SEPTIN9: variants seen among roughly 807,000 people sequenced by gnomAD.
SEPTIN9 encodes septin 9, also known as septin-9.
SEPTIN9 carries 13 observed loss-of-function variants against 56.6 expected under a neutral mutation model. The observed-to-expected ratio is 0.23, with a 90% CI of 0.15 to 0.37. The LOEUF is 0.37. Among genes scored for constraint, SEPTIN9 ranks in the 10% least tolerant of loss-of-function variants. The probability of loss-of-function intolerance (pLI) is 1.00; values close to 1 mark genes in which losing one functional copy is unlikely to be tolerated. For missense variants in SEPTIN9, 650 were observed against 823.1 expected (o/e 0.79, Z 2.57); for synonymous variants, 332 against 334.1 (o/e 0.99, Z 0.07).
Position 77,319,485 on chromosome 17 carries a change from C to A in SEPTIN9, c.76+12288C>A. 1 of 951,096 alleles carries A rather than the reference C, an allele frequency of 1.1e-6. No homozygotes were observed. The highest frequency in any genetic ancestry group is 1.3e-6 in the Non-Finnish European group (1 of 783,712). The allele number at this position is 951,096 out of a possible 1,614,324, so 58.9% of individuals were successfully genotyped here. On this transcript the variant is annotated intron_variant, in intron 2 of 11. Transcript: ENST00000427177. The surrounding 1 kb of genome is among the most constrained non-coding windows in gnomAD (Gnocchi z 5.3). ...TCTTCCAGGAAGTCCCCGTCCCGTTCGCCCTCTCTGCCTGGGCGGGGACGG... is the reference window on the plus strand; with the variant it reads ...TCTTCCAGGAAGTCCCCGTCCCGTTAGCCCTCTCTGCCTGGGCGGGGACGG...
intron 1 of SEPTIN9, among the ~76,000 whole-genome samples, chr17:77,294,212 A>G (rs1410200920): frequency 6.6e-6 from 1 of 152,060 alleles, no homozygotes; most frequent in African/African-American, 2.4e-5. Context: ...TGAGGTCAGG[A>G]GTTTGAAACC....
intron 2 of SEPTIN9, among the ~76,000 whole-genome samples, chr17:77,349,468 A>G (rs2033990428): frequency 6.6e-6 from 1 of 152,138 alleles, no homozygotes; most frequent in African/African-American, 2.4e-5. Context: ...CTGAGTTGTC[A>G]GTTTTTTCTT....
At chr17:77,482,766 C>G in intron 4 of SEPTIN9, 1 of 572,552 alleles carries the variant, frequency 1.7e-6, no homozygotes, top group Non-Finnish European at 3.1e-6. Context: ...CAGCTCTGCC[C>G]TGGAATTGGG....
intron 2 of SEPTIN9, among the ~76,000 whole-genome samples, chr17:77,343,627 T>C (rs1391773918): frequency 6.6e-6 from 1 of 152,206 alleles, no homozygotes; most frequent in Non-Finnish European, 1.5e-5. Flanking sequence ...TAACCTGGTG[T>C]CTTACCACTT....
chr17:77,402,766 C>T lies in SEPTIN9; in HGVS notation c.721+63C>T, dbSNP rs2035947891. The T allele has an allele frequency of 2.7e-6, 4 of 1,479,658 alleles. No individual in the cohort carries two copies. Among genetic ancestry groups the T allele is most frequent in the South Asian group, 1.4e-5 (1 of 73,748 alleles). 91.7% of individuals were successfully genotyped at this position (1,479,658 alleles called of 1,614,324 possible). On this transcript the variant is annotated intron_variant, in intron 3 of 11. Coordinates refer to ENST00000427177, the MANE Select transcript of SEPTIN9 (RefSeq NM_001113491.2). This position sits in a 1 kb window ranked among gnomAD's most constrained non-coding sequence, Gnocchi z 6.6. ...ATGGGGGGCCTGGTTGCTGGCTTTG[C>T]CACAGAATCTTGGAGGAAGAAGCTG...
chr17:77,372,615 G>T (rs534956207), intron 2 of SEPTIN9, among the ~76,000 whole-genome samples: 3 of 152,342 alleles, frequency 2.0e-5, no homozygotes, highest in South Asian at 4.1e-4. Flanking sequence ...GGCGTCGCCC[G>T]TCCCTGGCTT....
At chr17:77,328,099 G>A (rs1567996047) in intron 2 of SEPTIN9, among the ~76,000 whole-genome samples, 3 of 151,214 alleles carry the variant, frequency 2.0e-5, no homozygotes, top group Non-Finnish European at 4.4e-5. Context: ...CCCATGCCCA[G>A]GGTGTCCCCG....
At chr17:77,354,060 A>G (rs182735013) in intron 2 of SEPTIN9, among the ~76,000 whole-genome samples, 104 of 152,252 alleles carry the variant, frequency 6.8e-4, no homozygotes, top group African/African-American at 1.9e-3. Flanking sequence ...TCCACAGAGA[A>G]GAAGGGTCAA....
intron 2 of SEPTIN9, among the ~76,000 whole-genome samples, chr17:77,383,814 G>A (rs1364409647): frequency 2.6e-5 from 4 of 152,314 alleles, no homozygotes; most frequent in South Asian, 2.1e-4. Context: ...CCAGCGTGCC[G>A]GCTCACATCT....
At chr17:77,490,699 C>T in intron 7 of SEPTIN9, 43 bp from the exon 8 acceptor site, 1 of 1,463,766 alleles carries the variant, frequency 6.8e-7, no homozygotes, top group South Asian at 1.2e-5. Context: ...CCCCCACTGC[C>T]CCGCTCCCCC....
At chr17:77,442,606 C>T (rs940413057) in intron 3 of SEPTIN9, among the ~76,000 whole-genome samples, 3 of 150,468 alleles carry the variant, frequency 2.0e-5, no homozygotes, top group African/African-American at 7.3e-5. Context: ...GGTGCGATGG[C>T]TCACGCCTGT....
chr17:77,290,624 G>A (rs1432804078), intron 1 of SEPTIN9, among the ~76,000 whole-genome samples: 8 of 151,220 alleles, frequency 5.3e-5, no homozygotes, highest in Non-Finnish European at 1.2e-4. Flanking sequence ...TCAGAAGATC[G>A]AGACCATGGT....
chr17:77,296,118 C>CT (rs59562379), intron 1 of SEPTIN9, among the ~76,000 whole-genome samples: 3 of 196 alleles, frequency 0.015, no homozygotes, highest in East Asian at 0.1. Flanking sequence ...GGAAAAATGA[C>CT]GGAGGACACA....
chr17:77,466,054 T>TCACACACACACACACACA (rs10599395), intron 3 of SEPTIN9, among the ~76,000 whole-genome samples: 1 of 127,386 alleles, frequency 7.9e-6, no homozygotes, highest in African/African-American at 3.0e-5. Flanking sequence ...TTCTGGACTG[T>TCACACACACACACACACA]CACACACACA....
intron 1 of SEPTIN9, among the ~76,000 whole-genome samples, chr17:77,290,958 C>T (rs541036355): frequency 1.3e-5 from 2 of 151,464 alleles, no homozygotes; most frequent in Admixed American, 6.6e-5. Context: ...CTCGACCTCC[C>T]AGTTTCAATT....
chr17:77,291,593 C>T (rs1399601043), intron 1 of SEPTIN9, among the ~76,000 whole-genome samples: 7 of 152,026 alleles, frequency 4.6e-5, no homozygotes, highest in South Asian at 2.1e-4. Flanking sequence ...GATCGTGCCA[C>T]GGCACTCCAG....
intron 2 of SEPTIN9, among the ~76,000 whole-genome samples, chr17:77,385,763 T>C (rs368403403): frequency 1.2e-4 from 19 of 152,242 alleles, no homozygotes; most frequent in African/African-American, 4.6e-4. Context: ...TCTAGGTGCC[T>C]CTGCCAGCAC....
chr17:77,307,638 C>T (rs1354858831), intron 2 of SEPTIN9, among the ~76,000 whole-genome samples: 5 of 152,108 alleles, frequency 3.3e-5, no homozygotes, highest in Middle Eastern at 3.4e-3. Flanking sequence ...CAGATACGTC[C>T]GGTGTTATCT....
At chr17:77,414,900 G>C (rs2036445241) in intron 3 of SEPTIN9, among the ~76,000 whole-genome samples, 1 of 152,088 alleles carries the variant, frequency 6.6e-6, no homozygotes, top group Non-Finnish European at 1.5e-5. Flanking sequence ...TTCTTGTACA[G>C]AGAATTGCAC....
Sources: gnomAD v4.1 joint callset for allele counts (sites outside exome capture counted in the v4.1 genomes callset) on GRCh38, gnomAD v4.1.1 for gene constraint, Gnocchi (gnomAD v3.1) non-coding constraint, MANE v1.5 for transcripts, NCBI Gene and HGNC (gene_info 2026-07-23, HGNC 2026-07-21) for gene names.